TUSC3: variants seen among roughly 807,000 people sequenced by gnomAD.
TUSC3 encodes the protein dolichyl-diphosphooligosaccharide--protein glycosyltransferase subunit TUSC3.
A neutral mutation model predicts 44.8 loss-of-function variants in TUSC3; 45 were observed. That is an observed-to-expected ratio of 1.00 (90% confidence interval 0.79 to 1.29). The LOEUF (loss-of-function observed/expected upper bound fraction) is 1.29, where lower values mean the gene tolerates loss of function less well. Ranked by LOEUF, TUSC3 falls within the 50% of genes most tolerant of loss-of-function variation. TUSC3 has a pLI of 0.00. For synonymous variants in TUSC3, 212 were observed against 152.9 expected (o/e 1.39, Z -2.85); for missense variants, 519 against 437.9 (o/e 1.19, Z -1.65).
In TUSC3 at chr8:15,653,516, C is replaced by T. The variant is rs77071658; in HGVS notation, c.426+2702C>T. On this transcript the variant is annotated intron_variant, in intron 3 of 10. Transcript: ENST00000503731. ...TAGACATAATTATTCTAAAGTTTGG[C>T]GTATAAGAGTTGAAGTCAGTTGTTT... 5.8e-3 allele frequency among the ~76,000 whole-genome samples: 889 copies of T among 152,104 alleles called. 9 individuals are homozygous for T. The highest frequency in any genetic ancestry group is 0.02 in the African/African-American group (828 of 41,510).
intron 6 of TUSC3, among the ~76,000 whole-genome samples, chr8:15,705,682 A>G: frequency 6.6e-6 from 1 of 151,998 alleles, no homozygotes; most frequent in Admixed American, 6.6e-5. Flanking sequence ...GTCTTTGTGC[A>G]TCTCTTCATC....
intron 2 of TUSC3, among the ~76,000 whole-genome samples, chr8:15,628,022 A>G (rs528161714): frequency 5.3e-5 from 8 of 152,352 alleles, no homozygotes; most frequent in Admixed American, 5.2e-4. Flanking sequence ...AAGGGATGCT[A>G]TAAAGCCCTA....
At chr8:15,625,798 G>A (rs187909458) in intron 2 of TUSC3, among the ~76,000 whole-genome samples, 4 of 152,294 alleles carry the variant, frequency 2.6e-5, no homozygotes, top group African/African-American at 9.6e-5. Flanking sequence ...AATAATGAGT[G>A]TATGTTGGGG....
intron 1 of TUSC3, among the ~76,000 whole-genome samples, chr8:15,461,299 A>G (rs909336660): frequency 6.6e-6 from 1 of 151,950 alleles, no homozygotes; most frequent in Non-Finnish European, 1.5e-5. Context: ...TTTTGCAGCT[A>G]TTGTAAAAAT....
At chr8:15,625,790 TAATG>T (rs1805480278) in intron 2 of TUSC3, among the ~76,000 whole-genome samples, 1 of 152,162 alleles carries the variant, frequency 6.6e-6, no homozygotes, top group African/African-American at 2.4e-5. Context: ...CACAACCTAA[TAATG>T]AGTGTATGTT....
intron 2 of TUSC3, among the ~76,000 whole-genome samples, chr8:15,533,780 A>G (rs1408911306): frequency 6.6e-6 from 1 of 152,100 alleles, no homozygotes; most frequent in Non-Finnish European, 1.5e-5. Context: ...TTCTGTGTTG[A>G]GAAGTTTACT....
chr8:15,535,679 G>C (rs887575286), upstream of TUSC3, among the ~76,000 whole-genome samples: 4 of 152,162 alleles, frequency 2.6e-5, no homozygotes, highest in Admixed American at 1.3e-4. Flanking sequence ...CATGGAGTTT[G>C]CATCCTAACG....
chr8:15,593,854 C>A lies in TUSC3; in HGVS notation c.139-29226C>A, dbSNP rs374686902. Among the ~76,000 whole-genome samples, 16 of 152,134 alleles carry A rather than the reference C, an allele frequency of 1.1e-4. No homozygotes were observed. In the East Asian group the frequency reaches 1.5e-3, roughly 15 times the overall value. ...CTCTTCCTTGCATTTTAACTGCTGC[C>A]ATCTCCTTTTTTTCTTCTTCACCAA... On this transcript the variant is annotated intron_variant, in intron 1 of 10. Transcript: ENST00000503731.
chr8:15,540,137 G>C (rs913221381), upstream of TUSC3: 5 of 381,308 alleles, frequency 1.3e-5, no homozygotes, highest in Admixed American at 4.8e-5. Context: ...GCGCTGGTCC[G>C]GGAAAGGCAA....
At chr8:15,633,414 G>A (rs1805911115) in intron 2 of TUSC3, among the ~76,000 whole-genome samples, 1 of 152,074 alleles carries the variant, frequency 6.6e-6, no homozygotes, top group Non-Finnish European at 1.5e-5. Flanking sequence ...GTTATATGTG[G>A]AATTGTTTCT....
the TUSC3 span, among the ~76,000 whole-genome samples, chr8:15,774,578 A>T: frequency 6.6e-6 from 1 of 152,160 alleles, no homozygotes; most frequent in Non-Finnish European, 1.5e-5. Context: ...TTTAGTCTCC[A>T]GAACATTAAG....
chr8:15,438,564 G>A (rs1490355694), intron 1 of TUSC3, among the ~76,000 whole-genome samples: 1 of 152,162 alleles, frequency 6.6e-6, no homozygotes, highest in Non-Finnish European at 1.5e-5. Flanking sequence ...AACACTGAAA[G>A]GCCAATCTAC....
chr8:15,510,005 A>C (rs147510035), intron 2 of TUSC3, among the ~76,000 whole-genome samples: 2 of 152,248 alleles, frequency 1.3e-5, no homozygotes, highest in African/African-American at 4.8e-5. Flanking sequence ...CCTCATCTCT[A>C]CAAAAAATAA....
intron 2 of TUSC3, among the ~76,000 whole-genome samples, chr8:15,630,582 A>T (rs1194681818): frequency 6.6e-6 from 1 of 152,130 alleles, no homozygotes; most frequent in African/African-American, 2.4e-5. Flanking sequence ...GTAACTGTTC[A>T]GGGTTGCGAT....
chr8:15,568,249 A>T (rs1484129890), intron 1 of TUSC3, among the ~76,000 whole-genome samples: 2 of 152,196 alleles, frequency 1.3e-5, no homozygotes, highest in Non-Finnish European at 2.9e-5. Context: ...CAAAGAGAAG[A>T]GGCATTCATT....
chr8:15,777,455 C>T, the TUSC3 span, among the ~76,000 whole-genome samples: 1 of 152,036 alleles, frequency 6.6e-6, no homozygotes, highest in Non-Finnish European at 1.5e-5. Context: ...TATATACATC[C>T]CCATGTATGC....
At chr8:15,625,498 C>T (rs1456575639) in intron 2 of TUSC3, among the ~76,000 whole-genome samples, 1 of 152,178 alleles carries the variant, frequency 6.6e-6, no homozygotes, top group Non-Finnish European at 1.5e-5. Context: ...TTATAAATTA[C>T]ATAATCCATT....
At chr8:15,828,082 C>T in the TUSC3 span, among the ~76,000 whole-genome samples, 1 of 151,592 alleles carries the variant, frequency 6.6e-6, no homozygotes, top group Non-Finnish European at 1.5e-5. Flanking sequence ...GCAACCTCCA[C>T]CTCCCGGGTT....
chr8:15,581,848 A>T (rs546383688), intron 1 of TUSC3, among the ~76,000 whole-genome samples: 1 of 107,188 alleles, frequency 9.3e-6, no homozygotes, highest in Non-Finnish European at 1.8e-5. Context: ...GGCTCCACCC[A>T]GTTGGAGCTT....
Sources: gnomAD v4.1 joint callset for allele counts (sites outside exome capture counted in the v4.1 genomes callset) on GRCh38, gnomAD v4.1.1 for gene constraint, MANE v1.5 for transcripts, NCBI Gene and HGNC (gene_info 2026-07-23, HGNC 2026-07-21) for gene names.